Variants in TG observed in about 807,000 individuals in gnomAD.
The protein encoded by TG is thyroglobulin.
Under a neutral mutation model 324.7 loss-of-function variants are expected in TG, and 270 were observed. The observed-to-expected ratio is 0.83, with a 90% confidence interval of 0.75 to 0.92. The LOEUF (loss-of-function observed/expected upper bound fraction) is 0.92. Among genes scored for constraint, TG ranks in the 40% least tolerant of loss-of-function variants. TG has a pLI of 0.00. For missense variants in TG, 3,591 were observed against 3,456.4 expected, an observed-to-expected ratio of 1.04 and a Z score of -0.98; for synonymous variants, 1,401 against 1,327.0, an observed-to-expected ratio of 1.06 and a Z score of -1.21.
intron 41 of TG, chr8:133,037,566 T>A (rs1465056497): frequency 6.6e-6 from 1 of 152,206 alleles, no homozygotes; most frequent in Admixed American, 6.5e-5. Flanking sequence ...TTTCTCTTTT[T>A]ACACATTTGT....
intron 42 of TG, among the ~76,000 whole-genome samples, chr8:133,095,635 C>T (rs1848290402): frequency 6.6e-6 from 1 of 152,174 alleles, no homozygotes; most frequent in Non-Finnish European, 1.5e-5. Context: ...TCACTTCACT[C>T]CCTTATATGG....
intron 37 of TG, among the ~76,000 whole-genome samples, chr8:133,017,189 C>T (rs890308420): frequency 1.3e-5 from 2 of 152,090 alleles, no homozygotes; most frequent in Admixed American, 1.3e-4. Context: ...TCTCTTCCCT[C>T]ACTAATGAGA....
intron 41 of TG, among the ~76,000 whole-genome samples, chr8:133,094,207 A>G (rs1471122765): frequency 6.7e-6 from 1 of 149,924 alleles, no homozygotes; most frequent in Non-Finnish European, 1.5e-5. Flanking sequence ...AGCTCCTACC[A>G]CTTTCATTAT....
chr8:133,058,566 C>G (rs968618423), intron 41 of TG, among the ~76,000 whole-genome samples: 4 of 152,202 alleles, frequency 2.6e-5, no homozygotes, highest in African/African-American at 9.7e-5. Flanking sequence ...GGTGCCTCCC[C>G]AGCCTGCCTG....
At chr8:133,087,002 C>A (rs1475910286) in intron 41 of TG, among the ~76,000 whole-genome samples, 1 of 151,428 alleles carries the variant, frequency 6.6e-6, no homozygotes, top group Non-Finnish European at 1.5e-5. Context: ...ATGATATCGA[C>A]AATGGATTGT....
chr8:132,882,640 G>A (rs764854249), intron 7 of TG, 28 bp downstream of exon 7: 29 of 1,614,090 alleles, frequency 1.8e-5, no homozygotes, highest in Admixed American at 5.0e-5. Context: ...AACAATGTGC[G>A]TGTTTCCATT....
In TG at chr8:133,062,107, C is replaced by T. The variant is rs74358960; in HGVS notation, c.7239+32084C>T. 4.5e-4 allele frequency among the ~76,000 whole-genome samples: 69 copies of T among 152,292 alleles called. 1 individual carries two copies. In the East Asian group the frequency reaches 8.1e-3, roughly 18 times the overall value. On this transcript the variant is annotated intron_variant, in intron 41 of 47. Transcript: ENST00000220616. ...AACGGGCAGCATGTTTAAAGTGAAG[C>T]GCAAATCCCATCCTTTTTGGATCCT...
intron 41 of TG, among the ~76,000 whole-genome samples, chr8:133,069,375 C>G (rs138718058): frequency 2.6e-5 from 4 of 152,370 alleles, no homozygotes; most frequent in African/African-American, 9.6e-5. Flanking sequence ...CTGTCAGTCA[C>G]TTGTCCAGGG....
chr8:132,933,888 G>A (rs16904789), intron 24 of TG, among the ~76,000 whole-genome samples: 15,869 of 152,094 alleles, frequency 0.1, 1,060 homozygotes, highest in African/African-American at 0.18. Flanking sequence ...AGTAAGGGGC[G>A]TCTGCTTGAG....
intron 34 of TG, among the ~76,000 whole-genome samples, chr8:132,980,979 A>G (rs1489796382): frequency 6.6e-6 from 1 of 152,226 alleles, no homozygotes; most frequent in Non-Finnish European, 1.5e-5. Context: ...AGAAGACTTT[A>G]TGCTTATTAA....
At chr8:133,033,009 T>A (rs1379861206) in intron 41 of TG, among the ~76,000 whole-genome samples, 1 of 152,202 alleles carries the variant, frequency 6.6e-6, no homozygotes, top group Non-Finnish European at 1.5e-5. Context: ...AGCCAAGTCC[T>A]GTATTTCCCC....
At chr8:133,045,181 A>G (rs1587860553) in intron 41 of TG, 2 of 1,580,260 alleles carry the variant, frequency 1.3e-6, no homozygotes, top group East Asian at 4.5e-5. Flanking sequence ...CCAGCTAACC[A>G]GCCCACCACC....
chr8:133,034,605 G>A (rs1836910900), intron 41 of TG, among the ~76,000 whole-genome samples: 1 of 152,068 alleles, frequency 6.6e-6, no homozygotes, highest in Non-Finnish European at 1.5e-5. Context: ...TTGATATAAG[G>A]AGGAGACCCA....
chr8:132,879,927 T>A (rs1028245267), intron 5 of TG, among the ~76,000 whole-genome samples: 4 of 152,152 alleles, frequency 2.6e-5, no homozygotes, highest in Non-Finnish European at 5.9e-5. Flanking sequence ...GGTCTCTGGG[T>A]TGAATTAGCG....
intron 45 of TG, among the ~76,000 whole-genome samples, chr8:133,119,515 C>T (rs1413198295): frequency 6.6e-6 from 1 of 152,194 alleles, no homozygotes; most frequent in Non-Finnish European, 1.5e-5. Flanking sequence ...GACTGCTTCA[C>T]AGGTGGCACC....
At chr8:133,109,380 C>T (rs1475309261) in intron 43 of TG, among the ~76,000 whole-genome samples, 6 of 152,174 alleles carry the variant, frequency 3.9e-5, no homozygotes, top group Non-Finnish European at 7.4e-5. Flanking sequence ...AGCTGTTATC[C>T]AGGCAAACTA....
At chr8:132,940,294 A>G (rs1006792222) in intron 25 of TG, among the ~76,000 whole-genome samples, 1 of 152,214 alleles carries the variant, frequency 6.6e-6, no homozygotes, top group Non-Finnish European at 1.5e-5. Context: ...GACAGTTCGC[A>G]TGTCAAGACT....
intron 41 of TG, chr8:133,074,711 G>A: frequency 3.7e-6 from 1 of 268,988 alleles, no homozygotes; most frequent in Non-Finnish European, 5.7e-6. Context: ...CAGGTTGGGG[G>A]CTGGGCTTCT....
At chr8:133,074,707 G>A (rs78300205) in intron 41 of TG, 3,092 of 251,810 alleles carry the variant, frequency 0.012, 97 homozygotes, top group African/African-American at 0.068. Context: ...GCACCAGGTT[G>A]GGGGCTGGGC....
Sources: allele counts gnomAD v4.1 joint callset (sites outside exome capture counted in the v4.1 genomes callset), GRCh38; gene constraint gnomAD v4.1.1; transcripts MANE v1.5; gene names NCBI Gene and HGNC (gene_info 2026-07-23, HGNC 2026-07-21).